HHIP: variants seen among roughly 807,000 people sequenced by gnomAD.
The protein encoded by HHIP is hedgehog interacting protein.
In HHIP, 12 loss-of-function variants were observed where a neutral mutation model predicts 74.0. The observed-to-expected ratio is 0.16, with a 90% CI of 0.10 to 0.26. The LOEUF is 0.26. Ranked by LOEUF, HHIP falls within the 10% of genes least tolerant of loss-of-function variation. The pLI is 1.00. For missense variants in HHIP, 788 were observed against 845.0 expected (o/e 0.93, Z 0.84); for synonymous variants, 309 against 311.6 (o/e 0.99, Z 0.09).
rs190012524 is a variant in HHIP, at chr4:144,689,282, T to C, written c.832-17249T>C. Among the ~76,000 whole-genome samples the C allele has an allele frequency of 1.8e-4, 28 of 152,350 alleles. No individual in the cohort carries two copies. The East Asian group carries it at 4.6e-3, about 25-fold the overall frequency. ...GATGATGTCGTACATTATAAATATT[T>C]TTTGTACTTGCTAGTTTATTTCTAA... On this transcript the variant is annotated intron_variant, in intron 4 of 12. Coordinates refer to ENST00000296575, the MANE Select transcript of HHIP (RefSeq NM_022475.3).
chr4:144,721,777 C>T (rs1369775916), intron 11 of HHIP, among the ~76,000 whole-genome samples: 2 of 151,862 alleles, frequency 1.3e-5, no homozygotes, highest in East Asian at 3.9e-4. Context: ...GTAGCGGGTG[C>T]CTGTAATCCC....
rs1731189374 is a variant in HHIP, at chr4:144,738,660, C to T, written c.*703C>T. ...TGCTTTTATTGTATATTTTATTTAACAATAGGCACTGGGTTTGTGTTACAT... is the reference window on the plus strand; with the variant it reads ...TGCTTTTATTGTATATTTTATTTAATAATAGGCACTGGGTTTGTGTTACAT... On this transcript the variant is annotated 3_prime_UTR_variant, in exon 13 of 13. Coordinates refer to ENST00000296575, the MANE Select transcript of HHIP (RefSeq NM_022475.3). 1.5e-5 allele frequency: 10 copies of T among 674,794 alleles called. No individual in the cohort carries two copies. Among genetic ancestry groups the T allele is most frequent in the African/African-American group, 2.0e-5 (1 of 50,886 alleles). 41.8% of individuals were successfully genotyped at this position (674,794 alleles called of 1,614,324 possible). A position where few individuals can be genotyped will look rare whatever the true frequency, so the allele number is the denominator to read the frequency against.
intron 4 of HHIP, among the ~76,000 whole-genome samples, chr4:144,678,567 G>A (rs995634295): frequency 4.0e-5 from 6 of 151,692 alleles, no homozygotes; most frequent in Non-Finnish European, 7.4e-5. Context: ...GACAGGCCTC[G>A]GTGTGTGATA....
At chr4:144,732,560 T>G (rs1730991200) in intron 11 of HHIP, among the ~76,000 whole-genome samples, 1 of 152,194 alleles carries the variant, frequency 6.6e-6, no homozygotes, top group Non-Finnish European at 1.5e-5. Context: ...AGCCCTTCAG[T>G]ATCAGATTCC....
intron 2 of HHIP, among the ~76,000 whole-genome samples, chr4:144,656,896 T>C (rs1489472616): frequency 4.6e-5 from 7 of 152,148 alleles, no homozygotes; most frequent in Admixed American, 4.6e-4. Flanking sequence ...GAAAAGTGCT[T>C]CTAATCCTTG....
chr4:144,713,134 A>T (rs1468637926), intron 8 of HHIP, among the ~76,000 whole-genome samples: 1 of 152,102 alleles, frequency 6.6e-6, no homozygotes, highest in Non-Finnish European at 1.5e-5. Context: ...CAGACCCTGT[A>T]GTAAGCACTT....
chr4:144,721,561 T>G (rs1208387465), intron 11 of HHIP, among the ~76,000 whole-genome samples: 1 of 79,758 alleles, frequency 1.3e-5, no homozygotes, highest in African/African-American at 5.1e-5. Flanking sequence ...TGAAAAAAAA[T>G]AGAAAATGCC....
chr4:144,730,124 G>T (rs1730913465), intron 11 of HHIP, among the ~76,000 whole-genome samples: 1 of 152,132 alleles, frequency 6.6e-6, no homozygotes, highest in Admixed American at 6.6e-5. Context: ...TTCACAGAAA[G>T]TCATCACCTC....
At chr4:144,736,243 C>T (rs1474452731) in intron 12 of HHIP, among the ~76,000 whole-genome samples, 1 of 148,412 alleles carries the variant, frequency 6.7e-6, no homozygotes, top group Non-Finnish European at 1.5e-5. Flanking sequence ...TCAAGTGATT[C>T]TCCCGCCTCA....
intron 11 of HHIP, among the ~76,000 whole-genome samples, chr4:144,722,627 A>C (rs2126675663): frequency 6.6e-6 from 1 of 152,100 alleles, no homozygotes; most frequent in South Asian, 2.1e-4. Context: ...CCGAGATGGG[A>C]GGATCACTTG....
At position 144,646,743 on chromosome 4, in the gene HHIP, C is replaced by A. The variant is rs1225130267; in HGVS notation, c.68C>A (p.Ala23Asp). The change falls in exon 1 of 13, where the codon GCT (alanine) becomes GAT (aspartate). Residue 23 changes from alanine (A) to aspartate (D), a missense_variant. Physicochemically the swap from Ala to Asp is moderately radical, Grantham distance 126. This residue lies in a region of HHIP where 373 missense variants were observed against 366.4 expected (regional missense o/e 1.02). Transcript: ENST00000296575. ...GCTCTGGGCTTCTTTGAAGGAGATG[C>A]TAAGTTTGGGGAAAGAAACGAAGGG... The part of the protein sequence containing the change: ...AVALGFFEGD[A>D]KFGERNEGSG... The A allele has an allele frequency of 6.2e-7, 1 of 1,613,978 alleles. No homozygotes were observed. Among genetic ancestry groups the A allele is most frequent in the Admixed American group, 1.7e-5 (1 of 60,002 alleles).
intron 4 of HHIP, among the ~76,000 whole-genome samples, chr4:144,673,367 A>C (rs1729092270): frequency 6.6e-6 from 1 of 152,214 alleles, no homozygotes; most frequent in Non-Finnish European, 1.5e-5. Context: ...GCAACATAGG[A>C]TATTTCATGG....
chr4:144,675,917 G>T (rs933481581), intron 4 of HHIP, among the ~76,000 whole-genome samples: 1 of 152,112 alleles, frequency 6.6e-6, no homozygotes, highest in Non-Finnish European at 1.5e-5. Context: ...TCAATCCTTT[G>T]GAGGAGATCA....
At chr4:144,651,637 T>G (rs1728431019) in intron 1 of HHIP, among the ~76,000 whole-genome samples, 1 of 152,046 alleles carries the variant, frequency 6.6e-6, no homozygotes, top group Non-Finnish European at 1.5e-5. Context: ...ATATAAAAAA[T>G]CAATACTTGA....
At chr4:144,662,986 CA>C (rs1404411650) in intron 4 of HHIP, among the ~76,000 whole-genome samples, 1 of 152,052 alleles carries the variant, frequency 6.6e-6, no homozygotes, top group African/African-American at 2.4e-5. Flanking sequence ...CAGGAGCTTT[CA>C]AAAATTCTTA....
At chr4:144,650,067 C>T (rs1728376214) in intron 1 of HHIP, among the ~76,000 whole-genome samples, 2 of 152,108 alleles carry the variant, frequency 1.3e-5, no homozygotes, top group Non-Finnish European at 2.9e-5. Context: ...GTATTTTCTC[C>T]TTTTGTCCCC....
chr4:144,726,093 T>C (rs972362139), intron 11 of HHIP, among the ~76,000 whole-genome samples: 1 of 152,210 alleles, frequency 6.6e-6, no homozygotes, highest in Non-Finnish European at 1.5e-5. Flanking sequence ...TACTTGTGTT[T>C]AACATTTTTA....
intron 11 of HHIP, among the ~76,000 whole-genome samples, chr4:144,729,994 C>T (rs944917366): frequency 6.6e-6 from 1 of 152,222 alleles, no homozygotes; most frequent in South Asian, 2.1e-4. Flanking sequence ...CGTACCTCCG[C>T]ACAGAATCAA....
chr4:144,654,065 A>G (rs1429795303), intron 2 of HHIP, among the ~76,000 whole-genome samples: 2 of 152,176 alleles, frequency 1.3e-5, no homozygotes, highest in East Asian at 3.9e-4. Context: ...CTTTAGGACT[A>G]TAAATTGAAA....
Sources: gnomAD v4.1 joint callset for allele counts (sites outside exome capture counted in the v4.1 genomes callset) on GRCh38, gnomAD v4.1.1 for gene constraint, gnomAD v4.1.1 regional missense constraint, MANE v1.5 for transcripts, NCBI Gene and HGNC (gene_info 2026-07-23, HGNC 2026-07-21) for gene names.